The following KDM4C variants were observed in gnomAD, a reference collection of about 807,000 sequenced individuals.
The protein encoded by KDM4C is lysine demethylase 4C, also known as lysine-specific demethylase 4C.
In KDM4C, 81 loss-of-function variants were observed where a neutral mutation model predicts 129.3. The ratio of observed to expected loss-of-function variants is 0.63; its 90% CI spans 0.52 to 0.75. The LOEUF (loss-of-function observed/expected upper bound fraction) is 0.75, where lower values mean the gene tolerates loss of function less well. KDM4C is among the 30% of genes least tolerant of loss of function. KDM4C has a pLI of 0.00. For missense variants in KDM4C, 1,457 were observed against 1,304.0 expected (o/e 1.12, Z -1.81); for synonymous variants, 573 against 456.1 (o/e 1.26, Z -3.26).
chr9:6,748,118 A>G (rs1341898870), intron 1 of KDM4C, among the ~76,000 whole-genome samples: 1 of 151,908 alleles, frequency 6.6e-6, no homozygotes, highest in East Asian at 1.9e-4. Flanking sequence ...GTGAGCAGAG[A>G]TCGCACCACT....
intron 15 of KDM4C, among the ~76,000 whole-genome samples, chr9:7,032,865 G>C (rs1196065863): frequency 6.6e-6 from 1 of 152,158 alleles, no homozygotes; most frequent in African/African-American, 2.4e-5. Context: ...GGCGTTACTG[G>C]TTTTCTACTT....
chr9:7,111,267 A>G (rs527738481), intron 18 of KDM4C, among the ~76,000 whole-genome samples: 1 of 152,308 alleles, frequency 6.6e-6, no homozygotes, highest in Admixed American at 6.5e-5. Flanking sequence ...AAATGCTCCA[A>G]AATCTGAAAC....
chr9:6,875,683 A>G (rs923560508), intron 5 of KDM4C, among the ~76,000 whole-genome samples: 1 of 152,168 alleles, frequency 6.6e-6, no homozygotes, highest in African/African-American at 2.4e-5. Context: ...ATGATAGTAG[A>G]TGTGCCTGAG....
chr9:7,050,887 T>G (rs1008154490), intron 17 of KDM4C, among the ~76,000 whole-genome samples: 10 of 152,198 alleles, frequency 6.6e-5, no homozygotes, highest in African/African-American at 2.2e-4. Flanking sequence ...TAATTGCAAG[T>G]AAAGATGGTG....
At chr9:6,789,752 C>G (rs1339799274) in intron 1 of KDM4C, among the ~76,000 whole-genome samples, 1 of 151,968 alleles carries the variant, frequency 6.6e-6, no homozygotes, top group Non-Finnish European at 1.5e-5. Context: ...GGGTATGTAC[C>G]TGTCTACACG....
At chr9:6,917,343 G>T (rs957334437) in intron 8 of KDM4C, among the ~76,000 whole-genome samples, 1 of 152,076 alleles carries the variant, frequency 6.6e-6, no homozygotes, top group African/African-American at 2.4e-5. Context: ...ACCCCAGTAG[G>T]GTTTAAAATC....
intron 6 of KDM4C, among the ~76,000 whole-genome samples, chr9:6,881,064 G>A (rs530594513): frequency 6.6e-6 from 1 of 152,276 alleles, no homozygotes; most frequent in Admixed American, 6.5e-5. Flanking sequence ...TCATTGGTGT[G>A]TTAGGTTTGC....
At chr9:6,746,774 G>A (rs1447006777) in intron 1 of KDM4C, among the ~76,000 whole-genome samples, 6 of 148,824 alleles carry the variant, frequency 4.0e-5, no homozygotes, top group East Asian at 2.0e-4. Context: ...TTTGGGAGGC[G>A]GAGGTGGGTG....
rs891657193 is a variant in KDM4C, at chr9:6,986,521, C to T, written c.1532C>T (p.Pro511Leu). ...TCCGAGCTTTCATGGCCAAAGTCAC[C>T]TGAGTCATGCTCATCAGTGGCAGAG... is the stretch of plus-strand genomic sequence containing the variant. ...DPSELSWPKS[P>L]ESCSSVAESN... is the part of the protein sequence containing the mutation. The change falls in exon 11 of 22, where the codon CCT (proline) becomes CTT (leucine). Residue 511 changes from proline (P) to leucine (L), a missense_variant. Transcript: ENST00000381309. 3 of 1,613,982 alleles carry T rather than the reference C, an allele frequency of 1.9e-6. No individual in the cohort carries two copies. In the African/African-American group the frequency reaches 4.0e-5, roughly 22 times the overall value.
chr9:7,073,345 CTGAG>C (rs1329274998), intron 17 of KDM4C, among the ~76,000 whole-genome samples: 2 of 152,228 alleles, frequency 1.3e-5, no homozygotes, highest in African/African-American at 2.4e-5. Flanking sequence ...ATGGTTGGCA[CTGAG>C]TAAGTTTCAG....
At chr9:6,749,031 A>G (rs774633404) in intron 1 of KDM4C, 5 of 635,780 alleles carry the variant, frequency 7.9e-6, no homozygotes, top group African/African-American at 1.9e-5. Context: ...TATTATTTTT[A>G]TTTTTGAAAT....
intron 17 of KDM4C, among the ~76,000 whole-genome samples, chr9:7,098,805 G>GAACT (rs1439069051): frequency 6.6e-6 from 1 of 152,136 alleles, no homozygotes; most frequent in East Asian, 1.9e-4. Context: ...CTTTACTGTA[G>GAACT]AACTCAGACT....
intron 4 of KDM4C, chr9:6,835,240 C>A: frequency 1.1e-6 from 1 of 910,830 alleles, no homozygotes; most frequent in Non-Finnish European, 1.9e-6. Context: ...ACTCTTCCAG[C>A]TTTCCTTCCT....
intron 5 of KDM4C, among the ~76,000 whole-genome samples, chr9:6,858,670 G>C (rs769617165): frequency 4.6e-5 from 7 of 151,988 alleles, no homozygotes; most frequent in African/African-American, 9.7e-5. Context: ...CTACTCAAGA[G>C]GCTGTAGCAT....
upstream of KDM4C, chr9:6,757,733 A>T: frequency 1.0e-6 from 1 of 985,624 alleles, no homozygotes; most frequent in South Asian, 4.7e-5. Flanking sequence ...CTTCCGGGCA[A>T]GGTTCTGTGC....
intron 4 of KDM4C, among the ~76,000 whole-genome samples, chr9:6,847,925 C>G (rs370006311): frequency 1.3e-5 from 2 of 152,076 alleles, no homozygotes; most frequent in African/African-American, 2.4e-5. Context: ...CATTTAAAGA[C>G]CAAAATGAAA....
intron 19 of KDM4C, among the ~76,000 whole-genome samples, chr9:7,163,024 A>G (rs1460427144): frequency 1.3e-5 from 2 of 152,114 alleles, no homozygotes; most frequent in Non-Finnish European, 2.9e-5. Flanking sequence ...CCCTGGAATT[A>G]GACAGGCTTA....
chr9:6,920,552 G>GACTCCATCTAAAAA (rs144597572), intron 8 of KDM4C, among the ~76,000 whole-genome samples: 1 of 87,560 alleles, frequency 1.1e-5, no homozygotes. Context: ...AACAGAACAA[G>GACTCCATCTAAAAA]AAAAAAAAAA....
chr9:6,829,741 C>T (rs555868800), intron 4 of KDM4C, among the ~76,000 whole-genome samples: 2 of 152,300 alleles, frequency 1.3e-5, no homozygotes, highest in Admixed American at 1.3e-4. Flanking sequence ...GTTGAGGCCT[C>T]TGCTGGTCAG....
Sources: gnomAD v4.1 joint callset for allele counts (sites outside exome capture counted in the v4.1 genomes callset) on GRCh38, gnomAD v4.1.1 for gene constraint, MANE v1.5 for transcripts, NCBI Gene and HGNC (gene_info 2026-07-23, HGNC 2026-07-21) for gene names.